TGS1: variants seen among roughly 807,000 people sequenced by gnomAD.
The protein encoded by TGS1 is trimethylguanosine synthase.
Under a neutral mutation model 92.2 loss-of-function variants are expected in TGS1, and 69 were observed. The observed-to-expected ratio is 0.75, with a 90% confidence interval of 0.62 to 0.91. The LOEUF (loss-of-function observed/expected upper bound fraction) is 0.91. Among genes scored for constraint, TGS1 ranks in the 40% least tolerant of loss-of-function variants. The pLI is 0.00. For synonymous variants in TGS1, 345 were observed against 338.1 expected, an observed-to-expected ratio of 1.02 and a Z score of -0.22; for missense variants, 1,062 against 1,001.2, an observed-to-expected ratio of 1.06 and a Z score of -0.82.
intron 3 of TGS1, 122 bp downstream of exon 3, chr8:55,786,013 G>T: frequency 1.2e-6 from 1 of 809,172 alleles, no homozygotes; most frequent in Non-Finnish European, 1.9e-6. Context: ...CTTTTTAAAT[G>T]TATGTATTTA....
intron 4 of TGS1, among the ~76,000 whole-genome samples, chr8:55,789,047 G>A (rs1336984191): frequency 2.0e-5 from 3 of 152,136 alleles, no homozygotes; most frequent in Non-Finnish European, 4.4e-5. Flanking sequence ...CTGCCATCAG[G>A]ATGAATTTGA....
intron 6 of TGS1, among the ~76,000 whole-genome samples, chr8:55,794,557 G>A (rs979627595): frequency 6.6e-6 from 1 of 152,118 alleles, no homozygotes; most frequent in African/African-American, 2.4e-5. Flanking sequence ...TGAAGCCAGA[G>A]GTTGAGACTA....
chr8:55,790,966 T>TTCTCTC lies in TGS1; in HGVS notation c.1280+684_1280+689dup, dbSNP rs3058135. 9.8e-3 allele frequency among the ~76,000 whole-genome samples: 1,460 copies of TTCTCTC among 149,570 alleles called. 110 individuals carry two copies. In the South Asian group the frequency reaches 0.15, roughly 15 times the overall value. On this transcript the variant is annotated intron_variant, in intron 5 of 12. Coordinates refer to ENST00000260129, the MANE Select transcript of TGS1 (RefSeq NM_024831.8). Reference sequence around the variant, plus strand: ...TTTAACTAATAATTAAATTCATATCTTCTCTCTCTCTCTCTCTCTCTCACC... The same window carrying TTCTCTC: ...TTTAACTAATAATTAAATTCATATCTTCTCTCTCTCTCTCTCTCTCTCTCTCTCACC...
Position 55,782,731 on chromosome 8 carries a change from C to T in TGS1, c.102-17C>T. Reference sequence around the variant, plus strand: ...GCTTAATTCATTTCAATATGAACTGCTTAATCTGCTTCGCAGGGATCGAAA... The same window carrying T: ...GCTTAATTCATTTCAATATGAACTGTTTAATCTGCTTCGCAGGGATCGAAA... On this transcript the variant is annotated splice_polypyrimidine_tract_variant and intron_variant, in intron 1 of 12. Coordinates refer to ENST00000260129, the MANE Select transcript of TGS1 (RefSeq NM_024831.8). 1 of 1,591,238 alleles carries T rather than the reference C, an allele frequency of 6.3e-7. No individual in the cohort carries two copies.
At chr8:55,784,966 C>A (rs1011288741) in intron 2 of TGS1, among the ~76,000 whole-genome samples, 2 of 152,166 alleles carry the variant, frequency 1.3e-5, no homozygotes, top group African/African-American at 4.8e-5. Flanking sequence ...TGAATAGTGG[C>A]AGGCAGAGCC....
At chr8:55,781,375 A>G (rs1264287553) in intron 1 of TGS1, among the ~76,000 whole-genome samples, 1 of 152,152 alleles carries the variant, frequency 6.6e-6, no homozygotes. Context: ...AAAAACCAAA[A>G]ATTTTTTATT....
At chr8:55,809,758 T>G (rs927406073) in intron 10 of TGS1, among the ~76,000 whole-genome samples, 5 of 152,220 alleles carry the variant, frequency 3.3e-5, no homozygotes, top group African/African-American at 1.2e-4. Flanking sequence ...TGTGATAGAT[T>G]GAATGCTTCC....
Position 55,786,030 on chromosome 8 carries a change from A to G in TGS1, c.339+139A>G. 5.1e-6 allele frequency: 4 copies of G among 783,588 alleles called. No homozygotes were observed. The South Asian group carries it at 8.3e-5, about 16-fold the overall frequency. 48.5% of individuals were successfully genotyped at this position (783,588 alleles called of 1,614,324 possible). On this transcript the variant is annotated intron_variant, in intron 3 of 12. Transcript: ENST00000260129. ...TTTTAAATGTATGTATTTATAAATT[A>G]ACCAGAACTGAAAGTTGTAATATGT...
intron 7 of TGS1, 70 bp downstream of exon 7, chr8:55,796,222 T>A: frequency 8.2e-7 from 1 of 1,223,858 alleles, no homozygotes; most frequent in Non-Finnish European, 1.1e-6. Flanking sequence ...TTAAAATTGT[T>A]GTATTCAAAT....
At chr8:55,813,812 C>T (rs575317827) in intron 12 of TGS1, among the ~76,000 whole-genome samples, 1 of 152,116 alleles carries the variant, frequency 6.6e-6, no homozygotes, top group Non-Finnish European at 1.5e-5. Context: ...CTTTTTCCTT[C>T]TACATTACCT....
At chr8:55,794,423 C>G (rs1811980712) in intron 6 of TGS1, among the ~76,000 whole-genome samples, 1 of 152,066 alleles carries the variant, frequency 6.6e-6, no homozygotes, top group Non-Finnish European at 1.5e-5. Flanking sequence ...CTCAACCATG[C>G]AACAATTGAA....
At chr8:55,803,319 T>G (rs1304971139) in intron 9 of TGS1, among the ~76,000 whole-genome samples, 1 of 152,228 alleles carries the variant, frequency 6.6e-6, no homozygotes, top group African/African-American at 2.4e-5. Context: ...TTCTCCAGCT[T>G]TCCTGCTGTG....
chr8:55,809,968 T>C (rs903637506), intron 10 of TGS1, among the ~76,000 whole-genome samples: 4 of 152,252 alleles, frequency 2.6e-5, no homozygotes, highest in Non-Finnish European at 4.4e-5. Context: ...CAAATGTGAA[T>C]GTTTATTTAG....
At chr8:55,818,724 T>C (rs1245678406) in intron 12 of TGS1, among the ~76,000 whole-genome samples, 1 of 152,244 alleles carries the variant, frequency 6.6e-6, no homozygotes, top group Non-Finnish European at 1.5e-5. Context: ...TTGTATCTCC[T>C]TCACTACTGT....
At chr8:55,806,356 C>CAAAAA (rs1047234489) in intron 10 of TGS1, among the ~76,000 whole-genome samples, 6 of 38,932 alleles carry the variant, frequency 1.5e-4, no homozygotes, top group Admixed American at 3.0e-4. Context: ...GACTCCACCT[C>CAAAAA]AAAAAAAAAA....
intron 1 of TGS1, 39 bp downstream of exon 1, chr8:55,773,758 T>G: frequency 6.6e-7 from 1 of 1,517,222 alleles, no homozygotes; most frequent in East Asian, 2.3e-5. Flanking sequence ...TCTAGCACAG[T>G]CATTACCCAG....
chr8:55,792,605 G>T (rs1811918034), intron 5 of TGS1, 93 bp from the exon 6 acceptor site: 3 of 815,714 alleles, frequency 3.7e-6, no homozygotes, highest in Admixed American at 4.2e-5. Context: ...TGGGAAGTTT[G>T]CATGGGTCAA....
intron 9 of TGS1, among the ~76,000 whole-genome samples, chr8:55,802,961 GT>G (rs143199988): frequency 0.13 from 19,681 of 148,198 alleles, 1,350 homozygotes; most frequent in African/African-American, 0.17. Context: ...CCTTTATCAC[GT>G]TTTTTTTTTC....
Position 55,796,019 on chromosome 8 carries a change from A to G in TGS1, c.1409A>G (p.Tyr470Cys), listed in dbSNP as rs765209720. 9 of 1,613,728 alleles carry G rather than the reference A, an allele frequency of 5.6e-6. 1 individual carries two copies. In the South Asian group the frequency reaches 8.8e-5, roughly 16 times the overall value. The change falls in exon 7 of 13, where the codon TAT becomes TGT. Residue 470 changes from tyrosine to cysteine, a missense_variant. Transcript: ENST00000260129. ...AATTTCAGTCATCGGCAGGTCAGGTATTTAGAGAAGAATGTGAAGCTTAAG... is the reference window on the plus strand; with the variant it reads ...AATTTCAGTCATCGGCAGGTCAGGTGTTTAGAGAAGAATGTGAAGCTTAAG... ...IPNFSHRQVR[Y>C]LEKNVKLKSK...
Sources: allele counts gnomAD v4.1 joint callset (sites outside exome capture counted in the v4.1 genomes callset), GRCh38; gene constraint gnomAD v4.1.1; transcripts MANE v1.5; gene names NCBI Gene and HGNC (gene_info 2026-07-23, HGNC 2026-07-21).